Variants in TMEM214 observed in about 807,000 individuals in gnomAD.
TMEM214 encodes transmembrane protein 214.
A neutral mutation model predicts 89.8 loss-of-function variants in TMEM214; 71 were observed. The observed-to-expected ratio is 0.79, with a 90% confidence interval of 0.65 to 0.96. TMEM214 has a LOEUF of 0.96. Among genes scored for constraint, TMEM214 ranks in the 40% least tolerant of loss-of-function variants. TMEM214 has a pLI of 0.00. For missense variants in TMEM214, 754 were observed against 843.4 expected (o/e 0.89, Z 1.31); for synonymous variants, 332 against 349.5 (o/e 0.95, Z 0.56).
Position 27,037,557 on chromosome 2 carries a change from C to G in TMEM214, c.1011-4C>G. The G allele has an allele frequency of 6.2e-7, 1 of 1,614,154 alleles. No homozygotes were observed. ...TGCCTGTCTTTCCTCCCCACCCCAC[C>G]CAGCCTGCAGGAGCAGCTGTGTCAG... On this transcript the variant is annotated splice_region_variant and splice_polypyrimidine_tract_variant and intron_variant, in intron 8 of 16. Transcript: ENST00000238788.
At position 27,039,094 on chromosome 2, in the gene TMEM214, C is replaced by CCTCCTG; in HGVS notation, c.1456_1461dup (p.Leu489_Leu490dup). 6.2e-7 allele frequency: 1 copy of CCTCCTG among 1,613,926 alleles called. No homozygotes were observed. Among genetic ancestry groups the CCTCCTG allele is most frequent in the Non-Finnish European group, 8.5e-7 (1 of 1,180,028 alleles). On this transcript the variant is annotated inframe_insertion, in exon 13 of 17. Coordinates refer to ENST00000238788, the MANE Select transcript of TMEM214 (RefSeq NM_017727.5). ...GTCCTCGGCTGCCCTGGACGCGGCT[C>CCTCCTG]CTCCTGTTGCTGCTGGTCTTCGCTG... is the stretch of plus-strand genomic sequence containing the variant.
rs1491265537 is a variant in TMEM214, at chr2:27,038,459, CTA to C, written c.1245-24_1245-23del. ...GGGTGAGGCTGCGCGAGCCACCTGACTAGGGGGTTGTGCTTTCCCCACAGCCT... is the reference window on the plus strand; with the variant it reads ...GGGTGAGGCTGCGCGAGCCACCTGACGGGGGTTGTGCTTTCCCCACAGCCT... On this transcript the variant is annotated intron_variant, in intron 10 of 16. Transcript: ENST00000238788. This position sits in a 1 kb window ranked among gnomAD's most constrained non-coding sequence, Gnocchi z 4.4. 6.2e-7 allele frequency: 1 copy of C among 1,613,528 alleles called. No homozygotes were observed. The highest frequency in any genetic ancestry group is 8.5e-7 in the Non-Finnish European group (1 of 1,179,868).
In TMEM214 at chr2:27,038,090, C is replaced by G. The variant is rs757165503; in HGVS notation, c.1153-56C>G. 5 of 1,613,396 alleles carry G rather than the reference C, an allele frequency of 3.1e-6. No homozygotes were observed. The highest frequency in any genetic ancestry group is 1.7e-6 in the Non-Finnish European group (2 of 1,179,886). On this transcript the variant is annotated intron_variant, in intron 9 of 16. Coordinates refer to ENST00000238788, the MANE Select transcript of TMEM214 (RefSeq NM_017727.5). The surrounding 1 kb of genome is among the most constrained non-coding windows in gnomAD (Gnocchi z 4.4). Reference sequence around the variant, plus strand: ...GGAAGGGGATCACCTCTTAGCACTCCCCGCCTCTGCCAGCCCCATGCCCCC... The same window carrying G: ...GGAAGGGGATCACCTCTTAGCACTCGCCGCCTCTGCCAGCCCCATGCCCCC...
chr2:27,039,873 AAG>A (rs778866225), intron 14 of TMEM214, 36 bp downstream of exon 14: 2 of 1,596,764 alleles, frequency 1.3e-6, no homozygotes, highest in Non-Finnish European at 1.7e-6. Context: ...GGAGAGGCAG[AAG>A]AGAGAAGGCC....
In TMEM214 at chr2:27,036,750, C is replaced by T. The variant is rs771037317; in HGVS notation, c.872C>T (p.Ser291Phe). 3 of 1,614,162 alleles carry T rather than the reference C, an allele frequency of 1.9e-6. No individual in the cohort carries two copies. The highest frequency in any genetic ancestry group is 1.3e-5 in the African/African-American group (1 of 75,040). ...CCTGTGCTGGGCATCAAGTCTCTGT[C>T]TCCCTTTGCCATCACATACCTGGAT... Reference protein sequence around the residue: ...MLPVLGIKSLSPFAITYLDRL... With the variant: ...MLPVLGIKSLFPFAITYLDRL... The change falls in exon 7 of 17, where the codon TCT becomes TTT. Residue 291 changes from serine to phenylalanine, a missense_variant. Physicochemically the swap from Ser to Phe is radical, Grantham distance 155. Transcript: ENST00000238788.
At chr2:27,040,623 G>C in intron 16 of TMEM214, 88 bp from the exon 17 acceptor site, 1 of 1,589,456 alleles carries the variant, frequency 6.3e-7, no homozygotes, top group Non-Finnish European at 8.6e-7. Context: ...GCCACCCTGG[G>C]ATGAGGGTTG....
At chr2:27,035,389 AT>A (rs1667509847) in intron 3 of TMEM214, 104 bp downstream of exon 3, 2 of 1,506,280 alleles carry the variant, frequency 1.3e-6, no homozygotes, top group East Asian at 4.5e-5. Flanking sequence ...TCCATGGGTG[AT>A]TTGGGCTGGT....
At position 27,033,882 on chromosome 2, in the gene TMEM214, G is replaced by A. The variant is rs371703911; in HGVS notation, c.152-185G>A. 3.3e-5 allele frequency among the ~76,000 whole-genome samples: 5 copies of A among 152,050 alleles called. No homozygotes were observed. The East Asian group carries it at 5.8e-4, about 18-fold the overall frequency. On this transcript the variant is annotated intron_variant, in intron 1 of 16. Coordinates refer to ENST00000238788, the MANE Select transcript of TMEM214 (RefSeq NM_017727.5). ...GAAAGAGCCCATAGACTCAAGAGCT[G>A]TAATGAAAGAAGCTACCAGGAGAAC...
chr2:27,033,843 T>G (rs1222506569), intron 1 of TMEM214, among the ~76,000 whole-genome samples: 1 of 152,070 alleles, frequency 6.6e-6, no homozygotes, highest in East Asian at 1.9e-4. Flanking sequence ...AATGAAGAAC[T>G]GCCCCATCTT....
intron 1 of TMEM214, among the ~76,000 whole-genome samples, chr2:27,033,614 A>G (rs1209034914): frequency 1.3e-5 from 2 of 152,154 alleles, no homozygotes; most frequent in African/African-American, 4.8e-5. Flanking sequence ...CACACACTCA[A>G]CACTCACCAG....
rs367766864 is a variant in TMEM214, at chr2:27,035,972, G to A, written c.640G>A (p.Glu214Lys). The change falls in exon 5 of 17, where the codon GAG becomes AAG. Residue 214 changes from glutamate to lysine, a missense_variant and splice_region_variant. Physicochemically the swap from Glu to Lys is moderately conservative, Grantham distance 56 (BLOSUM62 1). Transcript: ENST00000238788. The part of the protein sequence containing the change: ...MLQELDKTPG[E>K]SLHGYRICIQ... ...TGTGAGAATGTGTATCTCTCCAGGG[G>A]AGTCACTACATGGTTACCGCATCTG... 5.0e-5 allele frequency: 81 copies of A among 1,614,004 alleles called. No homozygotes were observed. Among genetic ancestry groups the A allele is most frequent in the Non-Finnish European group, 6.3e-5 (74 of 1,180,010 alleles).
rs1190982196 is a variant in TMEM214, at chr2:27,038,921, C to T, written c.1407+106C>T. ...TTCCTGCCCCACCTGTCTGGAGCCC[C>T]CCGCTGCCTCCAGGATAATGTGAAG... On this transcript the variant is annotated intron_variant, in intron 12 of 16. Transcript: ENST00000238788. This position sits in a 1 kb window ranked among gnomAD's most constrained non-coding sequence, Gnocchi z 4.4. The T allele has an allele frequency of 2.1e-6, 3 of 1,407,058 alleles. No homozygotes were observed. Among genetic ancestry groups the T allele is most frequent in the African/African-American group, 1.4e-5 (1 of 70,934 alleles). 87.2% of individuals were successfully genotyped at this position (1,407,058 alleles called of 1,614,324 possible).
chr2:27,035,228 C>G lies in TMEM214; in HGVS notation c.445C>G (p.Leu149Val), dbSNP rs187214894. ...SIWLKDLASYLNYKLQAPLSE... is the reference protein window; with the variant it reads ...SIWLKDLASYVNYKLQAPLSE... ...ATGGTTGAAGGACCTGGCCAGCTATCTCAACTACAAGCTACAAGCTCCTCT... is the reference window on the plus strand; with the variant it reads ...ATGGTTGAAGGACCTGGCCAGCTATGTCAACTACAAGCTACAAGCTCCTCT... Residue 149 changes from leucine to valine, a missense_variant, in exon 3 of 17, where the codon CTC becomes GTC. Transcript: ENST00000238788. 4.5e-4 allele frequency: 732 copies of G among 1,614,216 alleles called. 7 individuals are homozygous for G. The East Asian group carries it at 8.9e-3, about 20-fold the overall frequency.
chr2:27,039,412 T>G (rs1341976456), intron 13 of TMEM214: 2 of 591,294 alleles, frequency 3.4e-6, no homozygotes, highest in African/African-American at 1.9e-5. Context: ...TTACCTCCTT[T>G]TAACTCCTGA....
In TMEM214 at chr2:27,038,461, A is replaced by G. The variant is rs11690454; in HGVS notation, c.1245-23A>G. The G allele has an allele frequency of 1, 1,608,086 of 1,613,622 alleles. 801,439 individuals are homozygous for G. The highest frequency in any genetic ancestry group is 1 in the East Asian group (44,870 of 44,870). On this transcript the variant is annotated intron_variant, in intron 10 of 16. Coordinates refer to ENST00000238788, the MANE Select transcript of TMEM214 (RefSeq NM_017727.5). The surrounding 1 kb of genome is among the most constrained non-coding windows in gnomAD (Gnocchi z 4.4). ...GTGAGGCTGCGCGAGCCACCTGACT[A>G]GGGGGTTGTGCTTTCCCCACAGCCT...
intron 16 of TMEM214, 44 bp downstream of exon 16, chr2:27,040,540 C>T (rs1405228210): frequency 1.9e-6 from 3 of 1,603,384 alleles, no homozygotes; most frequent in Non-Finnish European, 2.5e-6. Context: ...CCAGCAGCCC[C>T]ATTCCCGGGC....
intron 4 of TMEM214, 33 bp downstream of exon 4, chr2:27,035,761 G>A (rs1473700193): frequency 6.2e-7 from 1 of 1,613,530 alleles, no homozygotes; most frequent in Non-Finnish European, 8.5e-7. Context: ...GACCATCTTG[G>A]GAGCCTCCTC....
Position 27,038,868 on chromosome 2 carries a change from A to G in TMEM214, c.1407+53A>G. 6.5e-7 allele frequency: 1 copy of G among 1,542,826 alleles called. No homozygotes were observed. Among genetic ancestry groups the G allele is most frequent in the Non-Finnish European group, 8.9e-7 (1 of 1,118,800 alleles). On this transcript the variant is annotated intron_variant, in intron 12 of 16. Transcript: ENST00000238788. The surrounding 1 kb of genome is among the most constrained non-coding windows in gnomAD (Gnocchi z 4.4). ...ACACGCTATCTTACATCTCTGTCTC[A>G]GCACACCTGGGTTGGGCCTGTATCA...
In TMEM214 at chr2:27,035,980, A is replaced by C. The variant is rs1197621933; in HGVS notation, c.648A>C (p.Leu216=). 6.2e-7 allele frequency: 1 copy of C among 1,614,036 alleles called. No individual in the cohort carries two copies. The highest frequency in any genetic ancestry group is 1.3e-5 in the African/African-American group (1 of 74,910). The part of the protein sequence containing the change: ...QELDKTPGES[L]HGYRICIQAI... ...TGTGTATCTCTCCAGGGGAGTCACT[A>C]CATGGTTACCGCATCTGTATCCAGG... Residue 216 remains leucine (L), a synonymous_variant, in exon 5 of 17, where the codon CTA becomes CTC. Coordinates refer to ENST00000238788, the MANE Select transcript of TMEM214 (RefSeq NM_017727.5).
Sources: allele counts gnomAD v4.1 joint callset (sites outside exome capture counted in the v4.1 genomes callset), GRCh38; gene constraint gnomAD v4.1.1; non-coding constraint Gnocchi (gnomAD v3.1); transcripts MANE v1.5; gene names NCBI Gene and HGNC (gene_info 2026-07-23, HGNC 2026-07-21).